The following DACH2 variants were observed in gnomAD, a reference collection of about 807,000 sequenced individuals.
DACH2 encodes the protein dachshund family transcription factor 2.
In DACH2, 17 loss-of-function variants were observed where a neutral mutation model predicts 35.8. The ratio of observed to expected loss-of-function variants is 0.48; its 90% CI spans 0.33 to 0.71. The LOEUF (loss-of-function observed/expected upper bound fraction) is 0.71. Ranked by LOEUF, DACH2 falls within the 30% of genes least tolerant of loss-of-function variation. The pLI is 0.02. For missense variants in DACH2, 469 were observed against 472.7 expected (o/e 0.99, Z 0.07); for synonymous variants, 195 against 177.3 (o/e 1.10, Z -0.79).
intron 7 of DACH2, among the ~76,000 whole-genome samples, chrX:86,740,884 A>G (rs1392016533): frequency 2.7e-5 from 3 of 111,237 alleles, no homozygotes; most frequent in Non-Finnish European, 3.8e-5. Context: ...TTGATTACTT[A>G]TCATTTCCTT....
intron 3 of DACH2, among the ~76,000 whole-genome samples, chrX:86,530,874 G>T (rs945702932): frequency 9.0e-6 from 1 of 111,641 alleles, no homozygotes; most frequent in African/African-American, 3.3e-5. Context: ...ATAGTGATAA[G>T]GACAATGAAG....
At chrX:86,733,563 A>G (rs2041557581) in intron 6 of DACH2, among the ~76,000 whole-genome samples, 1 of 112,037 alleles carries the variant, frequency 8.9e-6, no homozygotes, top group Non-Finnish European at 1.9e-5. Context: ...AAAAATAGGT[A>G]AAATACCTTA....
chrX:86,424,909 T>A (rs2036866771), intron 2 of DACH2, among the ~76,000 whole-genome samples: 1 of 111,482 alleles, frequency 9.0e-6, no homozygotes, highest in Admixed American at 9.6e-5. Context: ...TATTAAATGC[T>A]TTTTCAGGAT....
rs1303144423 is a variant in DACH2, at chrX:86,653,688, C to T, written c.772+2521C>T. Among the ~76,000 whole-genome samples the T allele has an allele frequency of 3.7e-4, 29 of 78,784 alleles. No individual in the cohort carries two copies. In the Admixed American group the frequency reaches 3.9e-3, roughly 10 times the overall value. The allele number at this position is 78,784 out of a possible 115,157, so 68.4% of individuals were successfully genotyped here. On this transcript the variant is annotated intron_variant, in intron 4 of 11. Coordinates refer to ENST00000373125, the MANE Select transcript of DACH2 (RefSeq NM_053281.3). Reference sequence around the variant, plus strand: ...CTTTTTTTTTTTTTTTTTTTTGAGACGGAGTCTCACTCTATCACCCAGGCT... The same window carrying T: ...CTTTTTTTTTTTTTTTTTTTTGAGATGGAGTCTCACTCTATCACCCAGGCT...
intron 1 of DACH2, among the ~76,000 whole-genome samples, chrX:86,329,108 G>A (rs1434722863): frequency 9.0e-6 from 1 of 111,378 alleles, no homozygotes; most frequent in Non-Finnish European, 1.9e-5. Context: ...GTGGTGTGAT[G>A]AGGGTGGAAA....
intron 6 of DACH2, among the ~76,000 whole-genome samples, chrX:86,723,922 G>A (rs971920262): frequency 1.8e-5 from 2 of 110,472 alleles, no homozygotes; most frequent in African/African-American, 6.6e-5. Flanking sequence ...TGTTGTATCT[G>A]ATATAAATAT....
intron 1 of DACH2, among the ~76,000 whole-genome samples, chrX:86,256,840 C>T (rs1425345778): frequency 9.0e-6 from 1 of 111,173 alleles, no homozygotes; most frequent in African/African-American, 3.3e-5. Context: ...ATTAGATCTC[C>T]ACCTCATTTT....
intron 3 of DACH2, among the ~76,000 whole-genome samples, chrX:86,617,977 A>C (rs1270069862): frequency 8.9e-6 from 1 of 112,462 alleles, no homozygotes; most frequent in Non-Finnish European, 1.9e-5. Context: ...GAAATAATTT[A>C]TATTAAAGAA....
Position 86,802,924 on chromosome X carries a change from A to G in DACH2, c.1241-9932A>G, listed in dbSNP as rs901963410. On this transcript the variant is annotated intron_variant, in intron 7 of 11. Transcript: ENST00000373125. Reference sequence around the variant, plus strand: ...ACCTTACCCCATTCCCAATCCTGCCACTTGTTTGCCAATTTATGATGCAAA... The same window carrying G: ...ACCTTACCCCATTCCCAATCCTGCCGCTTGTTTGCCAATTTATGATGCAAA... Among the ~76,000 whole-genome samples, 35 of 112,194 alleles carry G rather than the reference A, an allele frequency of 3.1e-4. 1 individual carries two copies. Among genetic ancestry groups the G allele is most frequent in the Middle Eastern group, 4.6e-3 (1 of 219 alleles).
At chrX:86,247,833 C>A (rs1210612800) in intron 1 of DACH2, among the ~76,000 whole-genome samples, 2 of 110,687 alleles carry the variant, frequency 1.8e-5, no homozygotes, top group Admixed American at 1.9e-4. Flanking sequence ...CATCAAAAAG[C>A]AAATCCATCA....
At chrX:86,266,730 G>A (rs2033719981) in intron 1 of DACH2, among the ~76,000 whole-genome samples, 1 of 111,558 alleles carries the variant, frequency 9.0e-6, no homozygotes, top group Non-Finnish European at 1.9e-5. Flanking sequence ...TTCTTAACAT[G>A]TTATATGGTC....
chrX:86,786,448 A>T (rs750900566), intron 7 of DACH2, among the ~76,000 whole-genome samples: 35 of 111,967 alleles, frequency 3.1e-4, no homozygotes, highest in Non-Finnish European at 3.9e-4. Flanking sequence ...CATGGTTATC[A>T]TCACAATAAG....
intron 1 of DACH2, among the ~76,000 whole-genome samples, chrX:86,344,148 C>T (rs2035458847): frequency 9.1e-6 from 1 of 109,865 alleles, no homozygotes; most frequent in Admixed American, 9.9e-5. Flanking sequence ...ACATTGCATG[C>T]CTGTATCAAA....
chrX:86,386,384 G>A (rs772860140), intron 2 of DACH2, among the ~76,000 whole-genome samples: 2 of 110,974 alleles, frequency 1.8e-5, no homozygotes, highest in African/African-American at 3.3e-5. Context: ...CCTTGATCAC[G>A]GGGCTCAGGA....
intron 1 of DACH2, among the ~76,000 whole-genome samples, chrX:86,266,171 C>T (rs997156316): frequency 1.8e-5 from 2 of 111,191 alleles, no homozygotes; most frequent in African/African-American, 6.5e-5. Flanking sequence ...CTGGGCCCCA[C>T]CCCCTAAGTT....
intron 3 of DACH2, among the ~76,000 whole-genome samples, chrX:86,541,177 T>G (rs1366812199): frequency 8.9e-6 from 1 of 112,323 alleles, no homozygotes; most frequent in Non-Finnish European, 1.9e-5. Flanking sequence ...CTCATTTCTA[T>G]TCTATTGAAT....
At chrX:86,469,284 G>C (rs193221886) in intron 2 of DACH2, among the ~76,000 whole-genome samples, 1 of 110,884 alleles carries the variant, frequency 9.0e-6, no homozygotes, top group African/African-American at 3.3e-5. Flanking sequence ...TCTATTGTAC[G>C]TCATGGTGAC....
intron 1 of DACH2, among the ~76,000 whole-genome samples, chrX:86,287,741 A>T (rs2147992805): frequency 9.0e-6 from 1 of 111,722 alleles, no homozygotes; most frequent in South Asian, 3.7e-4. Flanking sequence ...ATTTTTGATT[A>T]TTTCTATGTT....
At chrX:86,735,801 A>G (rs1202661178) in intron 6 of DACH2, among the ~76,000 whole-genome samples, 1 of 111,970 alleles carries the variant, frequency 8.9e-6, no homozygotes, top group Non-Finnish European at 1.9e-5. Flanking sequence ...TAAATGCCAC[A>G]TAAATGAAGT....
Sources: gnomAD v4.1 joint callset for allele counts (sites outside exome capture counted in the v4.1 genomes callset) on GRCh38, gnomAD v4.1.1 for gene constraint, MANE v1.5 for transcripts, NCBI Gene and HGNC (gene_info 2026-07-23, HGNC 2026-07-21) for gene names.